The following YEATS2 variants were observed in gnomAD, a reference collection of about 807,000 sequenced individuals.
YEATS2 encodes YEATS domain containing 2.
Under a neutral mutation model 163.2 loss-of-function variants are expected in YEATS2, and 77 were observed. The observed-to-expected ratio is 0.47, with a 90% CI of 0.39 to 0.57. The LOEUF (loss-of-function observed/expected upper bound fraction) is 0.57, where lower values mean the gene tolerates loss of function less well. Among genes scored for constraint, YEATS2 ranks in the 20% least tolerant of loss-of-function variants. The probability of loss-of-function intolerance (pLI) is 0.00; values close to 1 mark genes in which losing one functional copy is unlikely to be tolerated. For missense variants in YEATS2, 1,549 were observed against 1,729.8 expected (o/e 0.90, Z 1.85); for synonymous variants, 631 against 645.1 (o/e 0.98, Z 0.33).
rs573338439 is a variant in YEATS2, at chr3:183,795,455, ATTTTTTTT to A, written c.3098-2447_3098-2440del. 8.3e-4 allele frequency among the ~76,000 whole-genome samples: 66 copies of A among 79,936 alleles called. 1 individual carries two copies. Among genetic ancestry groups the A allele is most frequent in the Middle Eastern group, 8.8e-3 (1 of 114 alleles). The allele number at this position is 79,936 out of a possible 152,430, so 52.4% of individuals were successfully genotyped here. On this transcript the variant is annotated intron_variant, in intron 21 of 30. Transcript: ENST00000305135. Reference sequence around the variant, plus strand: ...AGGGGCATGCCACCACACGGGACTAATTTTTTTTTTTTTTTTTTTTTTTTTTTTAGAGA... The same window carrying A: ...AGGGGCATGCCACCACACGGGACTAATTTTTTTTTTTTTTTTTTTTAGAGA...
At chr3:183,716,760 T>G (rs1479289352) in intron 2 of YEATS2, among the ~76,000 whole-genome samples, 1 of 152,188 alleles carries the variant, frequency 6.6e-6, no homozygotes, top group Non-Finnish European at 1.5e-5. Context: ...GGGGCAGTTT[T>G]TTGTTTGTTA....
chr3:183,700,081 C>G (rs575944252), intron 1 of YEATS2, among the ~76,000 whole-genome samples: 3 of 152,168 alleles, frequency 2.0e-5, no homozygotes, highest in Admixed American at 6.5e-5. Context: ...CATTTATTGG[C>G]TGTTTGTGAA....
intron 11 of YEATS2, among the ~76,000 whole-genome samples, chr3:183,754,587 G>A (rs1720521308): frequency 6.6e-6 from 1 of 152,152 alleles, no homozygotes; most frequent in South Asian, 2.1e-4. Flanking sequence ...AAACTCAAAT[G>A]GTCAAATTTT....
At chr3:183,806,156 C>T (rs550474519) in intron 27 of YEATS2, 37 of 380,384 alleles carry the variant, frequency 9.7e-5, no homozygotes, top group Non-Finnish European at 1.9e-4. Flanking sequence ...ATAAGGCCAT[C>T]GTAAGTTGAA....
chr3:183,798,655 G>C (rs1030089876), intron 22 of YEATS2, among the ~76,000 whole-genome samples: 2 of 152,046 alleles, frequency 1.3e-5, no homozygotes, highest in Admixed American at 1.3e-4. Context: ...CCCCTGGCCT[G>C]GATTGTTATT....
intron 21 of YEATS2, among the ~76,000 whole-genome samples, chr3:183,795,429 C>A: frequency 6.9e-6 from 1 of 145,896 alleles, no homozygotes; most frequent in Non-Finnish European, 1.5e-5. Context: ...GCTGGTACTA[C>A]AGGGGCATGC....
intron 17 of YEATS2, among the ~76,000 whole-genome samples, chr3:183,775,356 G>A (rs543185242): frequency 6.6e-6 from 1 of 152,222 alleles, no homozygotes; most frequent in Non-Finnish European, 1.5e-5. Context: ...CCAGCACTTT[G>A]GAGGGCCAAG....
At position 183,785,162 on chromosome 3, in the gene YEATS2, G is replaced by A. The variant is rs541354468; in HGVS notation, c.2737-963G>A. 7.9e-5 allele frequency among the ~76,000 whole-genome samples: 12 copies of A among 151,882 alleles called. No homozygotes were observed. The East Asian group carries it at 1.9e-3, about 25-fold the overall frequency. ...GCCTGGGCAACATAATGGTGACCCTGTCTCTGAAAAACATTTTCTGGTTTT... is the reference window on the plus strand; with the variant it reads ...GCCTGGGCAACATAATGGTGACCCTATCTCTGAAAAACATTTTCTGGTTTT... On this transcript the variant is annotated intron_variant, in intron 19 of 30. Coordinates refer to ENST00000305135, the MANE Select transcript of YEATS2 (RefSeq NM_018023.5).
At chr3:183,736,151 C>T (rs1718318697) in intron 7 of YEATS2, among the ~76,000 whole-genome samples, 1 of 152,126 alleles carries the variant, frequency 6.6e-6, no homozygotes, top group African/African-American at 2.4e-5. Flanking sequence ...TGAGAATTCT[C>T]CAATCCAGTT....
chr3:183,765,121 T>G (rs1721774659), intron 15 of YEATS2, among the ~76,000 whole-genome samples: 1 of 152,216 alleles, frequency 6.6e-6, no homozygotes, highest in African/African-American at 2.4e-5. Flanking sequence ...GTGCTCCCAC[T>G]GTGGTTCTGG....
chr3:183,800,031 A>T (rs895058759), intron 23 of YEATS2, among the ~76,000 whole-genome samples: 1 of 151,718 alleles, frequency 6.6e-6, no homozygotes, highest in Non-Finnish European at 1.5e-5. Context: ...ATGGGGTTTC[A>T]CCATGTTAGC....
At chr3:183,702,242 C>G (rs1049600029) in intron 1 of YEATS2, among the ~76,000 whole-genome samples, 2 of 151,970 alleles carry the variant, frequency 1.3e-5, no homozygotes, top group Non-Finnish European at 2.9e-5. Context: ...GTCAAGCGTT[C>G]GAGACCAGCC....
chr3:183,768,405 T>G (rs1302283366), intron 15 of YEATS2, among the ~76,000 whole-genome samples: 1 of 152,102 alleles, frequency 6.6e-6, no homozygotes, highest in Non-Finnish European at 1.5e-5. Flanking sequence ...GAAATAGAGT[T>G]GTGATTCCAT....
chr3:183,744,847 C>CT (rs569160920), intron 8 of YEATS2, among the ~76,000 whole-genome samples: 47 of 151,352 alleles, frequency 3.1e-4, no homozygotes, highest in South Asian at 6.3e-4. Flanking sequence ...TCCCACTATT[C>CT]TTTTTTTTTG....
intron 9 of YEATS2, among the ~76,000 whole-genome samples, chr3:183,750,888 C>T (rs536675998): frequency 2.0e-5 from 3 of 152,224 alleles, no homozygotes; most frequent in East Asian, 1.9e-4. Flanking sequence ...ACTTCCATTC[C>T]GTGTTATATT....
At chr3:183,785,955 A>C (rs1724024552) in intron 19 of YEATS2, among the ~76,000 whole-genome samples, 170 bp from the exon 20 acceptor site, 1 of 152,246 alleles carries the variant, frequency 6.6e-6, no homozygotes, top group East Asian at 1.9e-4. Context: ...GAAAGGTCAT[A>C]AAATTTGGAG....
intron 1 of YEATS2, among the ~76,000 whole-genome samples, chr3:183,701,676 A>G (rs1012903697): frequency 5.9e-5 from 9 of 152,194 alleles, no homozygotes; most frequent in Non-Finnish European, 1.0e-4. Flanking sequence ...TTACAGGCAC[A>G]TGAGCCACTG....
In YEATS2 at chr3:183,762,235, C is replaced by T. The variant is rs557324797; in HGVS notation, c.1903C>T (p.Pro635Ser). ...GTCCCCTCAAAAACAGGTCATAACTCCTGGAGAAGGGATTGCCCAGTCAGC... is the reference window on the plus strand; with the variant it reads ...GTCCCCTCAAAAACAGGTCATAACTTCTGGAGAAGGGATTGCCCAGTCAGC... The part of the protein sequence containing the change: ...AVSPQKQVIT[P>S]GEGIAQSAKV... Residue 635 changes from proline (P) to serine (S), a missense_variant, in exon 15 of 31, where the codon CCT becomes TCT. Pro to Ser is a moderately conservative substitution (Grantham distance 74, BLOSUM62 -1). Coordinates refer to ENST00000305135, the MANE Select transcript of YEATS2 (RefSeq NM_018023.5). 1.9e-6 allele frequency: 3 copies of T among 1,611,376 alleles called. No homozygotes were observed. The South Asian group carries it at 3.3e-5, about 18-fold the overall frequency.
chr3:183,717,250 A>G (rs74285597), intron 2 of YEATS2, among the ~76,000 whole-genome samples: 2,409 of 152,276 alleles, frequency 0.016, 75 homozygotes, highest in East Asian at 0.14. Context: ...CAGGACATAC[A>G]GGGCATTTAG....
Sources: gnomAD v4.1 joint callset for allele counts (sites outside exome capture counted in the v4.1 genomes callset) on GRCh38, gnomAD v4.1.1 for gene constraint, MANE v1.5 for transcripts, NCBI Gene and HGNC (gene_info 2026-07-23, HGNC 2026-07-21) for gene names.